The following SKIC3 variants were observed in gnomAD, a reference collection of about 807,000 sequenced individuals.
SKIC3 encodes the protein SKI3 subunit of superkiller complex, also known as superkiller complex protein 3.
At chr5:95,542,044 ATCTG>A in the SKIC3 span, 3 of 673,374 alleles carry the variant, frequency 4.5e-6, no homozygotes, top group African/African-American at 1.8e-5. Flanking sequence ...AAATGAAATG[ATCTG>A]TCTGAGATTT....
chr5:95,512,896 C>T, the SKIC3 span: 1 of 385,376 alleles, frequency 2.6e-6, no homozygotes, highest in South Asian at 3.0e-5. Flanking sequence ...TTCCTCAGCA[C>T]CATTGCCAAA....
At chr5:95,533,468 C>T in the SKIC3 span, among the ~76,000 whole-genome samples, 1 of 152,104 alleles carries the variant, frequency 6.6e-6, no homozygotes, top group South Asian at 2.1e-4. Flanking sequence ...GCACAGATTC[C>T]TATTGTCCTA....
At chr5:95,509,178 C>T in the SKIC3 span, among the ~76,000 whole-genome samples, 5 of 151,920 alleles carry the variant, frequency 3.3e-5, 1 homozygote, top group Admixed American at 2.6e-4. Flanking sequence ...ACCTTCTTCC[C>T]GAGAATGAAA....
chr5:95,515,096 GT>G, the SKIC3 span: 1 of 598,682 alleles, frequency 1.7e-6, no homozygotes, highest in Non-Finnish European at 3.0e-6. Context: ...TAACTACACA[GT>G]TCTGGAACAC....
the SKIC3 span, chr5:95,523,397 CACAA>C: frequency 6.8e-7 from 1 of 1,470,420 alleles, no homozygotes; most frequent in South Asian, 1.2e-5. Context: ...ATGTAAAGTA[CACAA>C]ACATATTTTC....
the SKIC3 span, among the ~76,000 whole-genome samples, chr5:95,501,507 A>T: frequency 1.3e-5 from 2 of 152,100 alleles, no homozygotes; most frequent in Admixed American, 6.6e-5. Context: ...ATAGAATGAA[A>T]ATCAAACAAA....
the SKIC3 span, among the ~76,000 whole-genome samples, chr5:95,486,735 C>G: frequency 1.3e-5 from 2 of 152,228 alleles, no homozygotes; most frequent in African/African-American, 4.8e-5. Flanking sequence ...AACACCGCAG[C>G]TGGCACTCAC....
At chr5:95,477,649 T>A in the SKIC3 span, among the ~76,000 whole-genome samples, 25 of 152,324 alleles carry the variant, frequency 1.6e-4, no homozygotes, top group African/African-American at 6.0e-4. Flanking sequence ...TTCTTATATA[T>A]GTTTCCATAT....
the SKIC3 span, among the ~76,000 whole-genome samples, chr5:95,500,104 G>A: frequency 4.9e-4 from 75 of 151,910 alleles, no homozygotes; most frequent in East Asian, 3.9e-4. Flanking sequence ...TTCCAAAAAC[G>A]GGAGCTTTTT....
the SKIC3 span, chr5:95,522,167 T>C: frequency 6.2e-7 from 1 of 1,613,908 alleles, no homozygotes; most frequent in South Asian, 1.1e-5. Flanking sequence ...AAACACACTG[T>C]ATATGGATTC....
At chr5:95,503,831 T>C in the SKIC3 span, 6 of 1,613,936 alleles carry the variant, frequency 3.7e-6, no homozygotes, top group South Asian at 5.5e-5. Flanking sequence ...GCTCTCTTTA[T>C]AAAGCCCCTT....
At chr5:95,505,686 A>G in the SKIC3 span, among the ~76,000 whole-genome samples, 3 of 151,748 alleles carry the variant, frequency 2.0e-5, no homozygotes, top group Non-Finnish European at 4.4e-5. Context: ...GGTGGTGGGC[A>G]CCTGTAATTC....
the SKIC3 span, chr5:95,516,516 A>C: frequency 6.2e-7 from 1 of 1,613,212 alleles, no homozygotes; most frequent in African/African-American, 1.3e-5. Flanking sequence ...AGACACATAG[A>C]ATACTCACAA....
At chr5:95,480,046 G>A in the SKIC3 span, among the ~76,000 whole-genome samples, 70 of 151,984 alleles carry the variant, frequency 4.6e-4, no homozygotes, top group African/African-American at 1.4e-3. Context: ...TGTTAATTAC[G>A]GGTAAAAATA....
chr5:95,520,638 T>C, the SKIC3 span: 1 of 1,120,434 alleles, frequency 8.9e-7, no homozygotes, highest in Non-Finnish European at 1.3e-6. Context: ...TCTAGCAGAA[T>C]ACATAAAATG....
At chr5:95,512,173 C>T in the SKIC3 span, among the ~76,000 whole-genome samples, 2 of 152,080 alleles carry the variant, frequency 1.3e-5, no homozygotes, top group African/African-American at 2.4e-5. Context: ...AAAGGCAAAG[C>T]GAGAACAGCA....
chr5:95,514,495 G>A, the SKIC3 span, among the ~76,000 whole-genome samples: 2 of 152,124 alleles, frequency 1.3e-5, no homozygotes, highest in Non-Finnish European at 2.9e-5. Context: ...CTTTGTACAT[G>A]TGAGTTAAAC....
chr5:95,489,757 A>G, the SKIC3 span, among the ~76,000 whole-genome samples: 3 of 152,172 alleles, frequency 2.0e-5, no homozygotes, highest in Admixed American at 2.0e-4. Context: ...CCAATGAAAG[A>G]AAAGAGATTG....
the SKIC3 span, among the ~76,000 whole-genome samples, chr5:95,545,184 T>C: frequency 6.6e-6 from 1 of 152,142 alleles, no homozygotes; most frequent in Admixed American, 6.6e-5. Flanking sequence ...GTGCATCAAT[T>C]AGATAAACCT....
Sources: gnomAD v4.1 joint callset for allele counts (sites outside exome capture counted in the v4.1 genomes callset) on GRCh38, gnomAD v4.1.1 for gene constraint, MANE v1.5 for transcripts, NCBI Gene and HGNC (gene_info 2026-07-23, HGNC 2026-07-21) for gene names.